Variants in DEPDC1 observed in about 807,000 individuals in gnomAD.
DEPDC1 encodes DEP domain containing 1, also known as DEP domain-containing protein 1A.
In DEPDC1, 66 loss-of-function variants were observed where a neutral mutation model predicts 86.8. The ratio of observed to expected loss-of-function variants is 0.76; its 90% CI spans 0.62 to 0.93. The LOEUF is 0.93. Among genes scored for constraint, DEPDC1 ranks in the 40% least tolerant of loss-of-function variants. The pLI is 0.00. For missense variants in DEPDC1, 792 were observed against 935.7 expected (o/e 0.85, Z 2.00); for synonymous variants, 255 against 314.9 (o/e 0.81, Z 2.02).
intron 2 of DEPDC1, among the ~76,000 whole-genome samples, chr1:68,492,649 A>C (rs931071964): frequency 7.9e-5 from 12 of 152,124 alleles, no homozygotes; most frequent in African/African-American, 2.9e-4. Context: ...AGAAAAGACT[A>C]GGGGCAGAGA....
At chr1:68,489,421 T>G (rs753137828) in intron 3 of DEPDC1, 31 bp downstream of exon 3, 1 of 1,370,256 alleles carries the variant, frequency 7.3e-7, no homozygotes, top group East Asian at 2.6e-5. Context: ...TAATTATATT[T>G]AAACTAGTAA....
chr1:68,488,273 GA>G, intron 5 of DEPDC1, 100 bp downstream of exon 5: 1 of 1,135,056 alleles, frequency 8.8e-7, no homozygotes, highest in Non-Finnish European at 1.2e-6. Context: ...GATGCTCCAT[GA>G]AAGTATTCTA....
chr1:68,476,864 C>T lies in DEPDC1; in HGVS notation c.*68G>A. 7.5e-7 allele frequency: 1 copy of T among 1,331,588 alleles called. No individual in the cohort carries two copies. Among genetic ancestry groups the T allele is most frequent in the Non-Finnish European group, 1.0e-6 (1 of 989,808 alleles). 82.5% of individuals were successfully genotyped at this position (1,331,588 alleles called of 1,614,324 possible). A position where few individuals can be genotyped will look rare whatever the true frequency, so the allele number is the denominator to read the frequency against. ...TAATGACAGACTTCCTTTTGAGTAG[C>T]TACATTCTCAGATATGGCTTCATTT... On this transcript the variant is annotated 3_prime_UTR_variant, in exon 12 of 12. Transcript: ENST00000456315.
intron 5 of DEPDC1, among the ~76,000 whole-genome samples, chr1:68,487,458 A>C (rs1170144382): frequency 6.6e-6 from 1 of 151,946 alleles, no homozygotes; most frequent in Non-Finnish European, 1.5e-5. Context: ...AAATCTTTCG[A>C]GTGCCACTAA....
In DEPDC1 at chr1:68,488,412, G is replaced by C. The variant is rs1015974234; in HGVS notation, c.683C>G (p.Thr228Arg). The change falls in exon 5 of 12, where the codon ACA (threonine) becomes AGA (arginine). Residue 228 changes from threonine to arginine, a missense_variant. By Grantham distance (71) the Thr-to-Arg change is moderately conservative. Coordinates refer to ENST00000456315, the MANE Select transcript of DEPDC1 (RefSeq NM_001114120.3). ...PQYIMYNMAN[T>R]SKRGVVILQN... Reference sequence around the variant, plus strand: ...TAGTATAACTACTCCACGTTTACTTGTATTGGCCATGTTGTACATTATATA... The same window carrying C: ...TAGTATAACTACTCCACGTTTACTTCTATTGGCCATGTTGTACATTATATA... The C allele has an allele frequency of 1.2e-6, 2 of 1,601,610 alleles. No individual in the cohort carries two copies. Among genetic ancestry groups the C allele is most frequent in the African/African-American group, 1.3e-5 (1 of 74,152 alleles).
intron 1 of DEPDC1, among the ~76,000 whole-genome samples, chr1:68,495,095 T>C (rs373606015): frequency 6.6e-6 from 1 of 152,028 alleles, no homozygotes; most frequent in East Asian, 1.9e-4. Flanking sequence ...TGAGCTGAGA[T>C]TGCACCATTG....
intron 8 of DEPDC1, 161 bp from the exon 9 acceptor site, chr1:68,481,773 A>T (rs143161368): frequency 6.1e-6 from 4 of 659,724 alleles, no homozygotes; most frequent in Admixed American, 7.1e-5. Context: ...TAAGATTCTC[A>T]TTATTTTCTT....
chr1:68,479,437 C>T (rs1458480702), intron 9 of DEPDC1, 117 bp from the exon 10 acceptor site: 1 of 697,128 alleles, frequency 1.4e-6, no homozygotes, highest in Non-Finnish European at 2.3e-6. Context: ...AAGCAGCCCT[C>T]AGTTTAAAAA....
chr1:68,482,047 T>C lies in DEPDC1; in HGVS notation c.1761A>G (p.Gln587=). The part of the protein sequence containing the change: ...LPASSMLTGT[Q]SLLQPHLERV... ...ATGCATTGAAAGCAACAGCCTTACTTTGTGTGCCAGTCAACATAGAAGAAG... is the reference window on the plus strand; with the variant it reads ...ATGCATTGAAAGCAACAGCCTTACTCTGTGTGCCAGTCAACATAGAAGAAG... Residue 587 remains glutamine (Q), a splice_region_variant and synonymous_variant, in exon 8 of 12, where the codon CAA becomes CAG. Transcript: ENST00000456315. 1 of 1,579,840 alleles carries C rather than the reference T, an allele frequency of 6.3e-7. No individual in the cohort carries two copies. Among genetic ancestry groups the C allele is most frequent in the Non-Finnish European group, 8.6e-7 (1 of 1,166,798 alleles).
At chr1:68,483,064 C>G (rs1345797218) in intron 7 of DEPDC1, 167 bp from the exon 8 acceptor site, 8 of 672,220 alleles carry the variant, frequency 1.2e-5, no homozygotes, top group Non-Finnish European at 2.0e-5. Flanking sequence ...AGGACACATG[C>G]AACATTCGGT....
Position 68,497,012 on chromosome 1 carries a change from G to T in DEPDC1, c.-13C>A, listed in dbSNP as rs376408227. 9 of 1,611,004 alleles carry T rather than the reference G, an allele frequency of 5.6e-6. No individual in the cohort carries two copies. The highest frequency in any genetic ancestry group is 6.8e-6 in the Non-Finnish European group (8 of 1,178,136). ...CCTGACTCTCCATAGGTCTGTCAGC[G>T]CCCGGTGGCGTCCATGGCGGCGAAG... On this transcript the variant is annotated 5_prime_UTR_variant, in exon 1 of 12. Transcript: ENST00000456315.
intron 5 of DEPDC1, 133 bp downstream of exon 5, chr1:68,488,241 A>T: frequency 1.4e-6 from 1 of 726,216 alleles, no homozygotes; most frequent in African/African-American, 1.9e-5. Context: ...GTTATTACTA[A>T]AGAACTTATG....
At chr1:68,479,104 A>G (rs1206949266) in intron 10 of DEPDC1, 40 bp downstream of exon 10, 11 of 1,539,434 alleles carry the variant, frequency 7.1e-6, no homozygotes, top group African/African-American at 2.8e-5. Flanking sequence ...GCCACTTGCA[A>G]CTGACTATTG....
intron 6 of DEPDC1, 21 bp downstream of exon 6, chr1:68,486,916 A>ACG: frequency 6.3e-7 from 1 of 1,578,866 alleles, no homozygotes; most frequent in Non-Finnish European, 8.6e-7. Flanking sequence ...ACACACACAC[A>ACG]CACACATATA....
Position 68,474,846 on chromosome 1 carries a change from C to G in DEPDC1, c.*2086G>C, listed in dbSNP as rs1214754664. 1 of 152,008 alleles carries G rather than the reference C, an allele frequency of 6.6e-6. No homozygotes were observed. The highest frequency in any genetic ancestry group is 1.5e-5 in the Non-Finnish European group (1 of 67,932). 9.4% of individuals were successfully genotyped at this position (152,008 alleles called of 1,614,324 possible). A position where few individuals can be genotyped will look rare whatever the true frequency, so the allele number is the denominator to read the frequency against. On this transcript the variant is annotated 3_prime_UTR_variant, in exon 12 of 12. Coordinates refer to ENST00000456315, the MANE Select transcript of DEPDC1 (RefSeq NM_001114120.3). The stretch of plus-strand genomic sequence containing the variant: ...TTTCAACCAGTAGGCATAATCAGAA[C>G]CTTTGTCTCATAATGAAAAGATAGT...
At position 68,477,009 on chromosome 1, in the gene DEPDC1, C is replaced by T. The variant is rs751612490; in HGVS notation, c.2359G>A (p.Ala787Thr). ...ATTGTAGGTTTGTCACCAAAAAGTGCTGCTTCACTCTCCGTGGTTGGAAAT... is the reference window on the plus strand; with the variant it reads ...ATTGTAGGTTTGTCACCAAAAAGTGTTGCTTCACTCTCCGTGGTTGGAAAT... ...KRFPTTESEA[A>T]LFGDKPTIKQ... The change falls in exon 12 of 12, where the codon GCA (alanine) becomes ACA (threonine). Residue 787 changes from alanine (A) to threonine (T), a missense_variant. Physicochemically the swap from Ala to Thr is moderately conservative, Grantham distance 58. Transcript: ENST00000456315. The T allele has an allele frequency of 1.9e-6, 3 of 1,607,196 alleles. No individual in the cohort carries two copies. Among genetic ancestry groups the T allele is most frequent in the East Asian group, 4.5e-5 (2 of 44,656 alleles).
At chr1:68,484,952 A>T (rs566175131) in intron 6 of DEPDC1, among the ~76,000 whole-genome samples, 106 of 151,276 alleles carry the variant, frequency 7.0e-4, no homozygotes, top group African/African-American at 2.3e-3. Context: ...ATATATATAT[A>T]TATTTTTTAA....
At chr1:68,486,838 A>C in intron 6 of DEPDC1, 99 bp downstream of exon 6, 1 of 1,210,170 alleles carries the variant, frequency 8.3e-7, no homozygotes, top group Non-Finnish European at 1.1e-6. Flanking sequence ...TTTTATCAGG[A>C]CTTTATTAAA....
chr1:68,477,782 C>T lies in DEPDC1; in HGVS notation c.2298+5G>A. 13 of 1,490,146 alleles carry T rather than the reference C, an allele frequency of 8.7e-6. No individual in the cohort carries two copies. The highest frequency in any genetic ancestry group is 1.1e-5 in the Non-Finnish European group (12 of 1,109,678). The allele number at this position is 1,490,146 out of a possible 1,614,324, so 92.3% of individuals were successfully genotyped here. ...ACATGATTGAGAACTTGCTCATTCT[C>T]TTACCTGTTTTAGTTTTTTTCTTTT... is the stretch of plus-strand genomic sequence containing the variant. On this transcript the variant is annotated splice_donor_5th_base_variant and intron_variant, in intron 11 of 11. Transcript: ENST00000456315.
Sources: gnomAD v4.1 joint callset for allele counts (sites outside exome capture counted in the v4.1 genomes callset) on GRCh38, gnomAD v4.1.1 for gene constraint, MANE v1.5 for transcripts, NCBI Gene and HGNC (gene_info 2026-07-23, HGNC 2026-07-21) for gene names.